The following TMEM144 variants were observed in gnomAD, a reference collection of about 807,000 sequenced individuals.
TMEM144 encodes the protein transmembrane protein 144.
A neutral mutation model predicts 43.6 loss-of-function variants in TMEM144; 39 were observed. The observed-to-expected ratio is 0.90, with a 90% CI of 0.69 to 1.17. The LOEUF is 1.17. TMEM144 is among the 50% of genes most tolerant of loss of function. TMEM144 has a pLI of 0.00. For missense variants in TMEM144, 417 were observed against 411.9 expected (o/e 1.01, Z -0.11); for synonymous variants, 154 against 133.6 (o/e 1.15, Z -1.06).
At chr4:158,228,695 A>G (rs1204063541) in intron 6 of TMEM144, among the ~76,000 whole-genome samples, 1 of 152,178 alleles carries the variant, frequency 6.6e-6, no homozygotes, top group East Asian at 1.9e-4. Context: ...AAGCCGCCTA[A>G]GGAGCTGCAT....
chr4:158,230,105 G>A (rs557645319), intron 6 of TMEM144, among the ~76,000 whole-genome samples: 1 of 152,222 alleles, frequency 6.6e-6, no homozygotes, highest in Admixed American at 6.5e-5. Flanking sequence ...GGGACCCTAG[G>A]CCCCAGTGGC....
In TMEM144 at chr4:158,246,357, C is replaced by G. The variant is rs79670698; in HGVS notation, c.954+2008C>G. 5.6e-3 allele frequency among the ~76,000 whole-genome samples: 856 copies of G among 152,268 alleles called. 11 individuals are homozygous for G. The highest frequency in any genetic ancestry group is 0.02 in the African/African-American group (821 of 41,556). ...GGAGATTGATGTTGCTAATCTCTAACAACCATAAAGTGAATGTACTTCTAC... is the reference window on the plus strand; with the variant it reads ...GGAGATTGATGTTGCTAATCTCTAAGAACCATAAAGTGAATGTACTTCTAC... On this transcript the variant is annotated intron_variant, in intron 12 of 12. Transcript: ENST00000296529.
chr4:158,249,403 A>G (rs923083586), intron 12 of TMEM144, among the ~76,000 whole-genome samples: 2 of 152,226 alleles, frequency 1.3e-5, no homozygotes, highest in African/African-American at 2.4e-5. Context: ...GAGATGATCT[A>G]TTATCTTAGT....
chr4:158,226,105 G>C (rs1734752318), intron 6 of TMEM144, among the ~76,000 whole-genome samples: 1 of 152,178 alleles, frequency 6.6e-6, no homozygotes, highest in South Asian at 2.1e-4. Context: ...ATTTTAACCA[G>C]GCATTTGCAT....
chr4:158,247,147 C>T (rs1297697924), intron 12 of TMEM144, among the ~76,000 whole-genome samples: 1 of 151,814 alleles, frequency 6.6e-6, no homozygotes, highest in East Asian at 1.9e-4. Context: ...ATTTACTCTA[C>T]CATATCAAAT....
intron 3 of TMEM144, 53 bp from the exon 4 acceptor site, chr4:158,215,138 C>A: frequency 6.2e-7 from 1 of 1,610,012 alleles, no homozygotes; most frequent in Non-Finnish European, 8.5e-7. Context: ...TTCCTGAGCA[C>A]AAATTTACTC....
intron 6 of TMEM144, among the ~76,000 whole-genome samples, chr4:158,230,282 T>A (rs1474190395): frequency 6.6e-6 from 1 of 152,206 alleles, no homozygotes; most frequent in Non-Finnish European, 1.5e-5. Flanking sequence ...ACACTGCTTT[T>A]CCTTCCTGAC....
chr4:158,234,775 A>G (rs1328633843), intron 7 of TMEM144: 1 of 152,296 alleles, frequency 6.6e-6, no homozygotes, highest in Non-Finnish European at 1.5e-5. Flanking sequence ...TCCAGGTGAG[A>G]TGGAGAAGGA....
intron 5 of TMEM144, among the ~76,000 whole-genome samples, chr4:158,218,027 G>A (rs900681606): frequency 2.0e-5 from 3 of 152,122 alleles, no homozygotes; most frequent in Non-Finnish European, 2.9e-5. Context: ...GGGAATAACT[G>A]ACCCACAAAG....
intron 4 of TMEM144, 73 bp downstream of exon 4, chr4:158,215,386 G>A: frequency 2.0e-6 from 3 of 1,537,666 alleles, no homozygotes; most frequent in Non-Finnish European, 2.6e-6. Context: ...ACAATAGGAG[G>A]AAATAGCGCA....
At chr4:158,231,127 C>A (rs1735058745) in intron 6 of TMEM144, among the ~76,000 whole-genome samples, 4 of 152,146 alleles carry the variant, frequency 2.6e-5, no homozygotes. Flanking sequence ...GTCTTATGAT[C>A]TAGACAAGGT....
rs1219603075 is a variant in TMEM144, at chr4:158,254,341, A to G, written c.*814A>G. Reference sequence around the variant, plus strand: ...TGTACAACTTTTTTTTCTGAAATACACTTTTCTAAAACCCTCTTAACTGGA... The same window carrying G: ...TGTACAACTTTTTTTTCTGAAATACGCTTTTCTAAAACCCTCTTAACTGGA... On this transcript the variant is annotated 3_prime_UTR_variant, in exon 13 of 13. Coordinates refer to ENST00000296529, the MANE Select transcript of TMEM144 (RefSeq NM_018342.5). The G allele has an allele frequency of 6.6e-6, 1 of 151,966 alleles. No individual in the cohort carries two copies. The highest frequency in any genetic ancestry group is 1.5e-5 in the Non-Finnish European group (1 of 67,998). 9.4% of individuals were successfully genotyped at this position (151,966 alleles called of 1,614,324 possible).
At chr4:158,213,009 T>G in intron 3 of TMEM144, 1 of 565,210 alleles carries the variant, frequency 1.8e-6, no homozygotes. Flanking sequence ...TCAGGAAATC[T>G]CTTGGGCCAT....
chr4:158,227,813 C>G (rs906941109), intron 6 of TMEM144, among the ~76,000 whole-genome samples: 3 of 152,040 alleles, frequency 2.0e-5, no homozygotes, highest in African/African-American at 7.3e-5. Flanking sequence ...GGCCAACTTA[C>G]CTTCAATGCT....
chr4:158,240,226 T>A, intron 9 of TMEM144, 73 bp from the exon 10 acceptor site: 1 of 1,525,650 alleles, frequency 6.6e-7, no homozygotes, highest in South Asian at 1.3e-5. Context: ...TTCTGGTGAG[T>A]TTATTTTCAG....
At chr4:158,220,583 G>T (rs1482064889) in intron 6 of TMEM144, among the ~76,000 whole-genome samples, 1 of 152,146 alleles carries the variant, frequency 6.6e-6, no homozygotes, top group African/African-American at 2.4e-5. Context: ...CCAAGCTTTG[G>T]TTTCTTCATT....
At chr4:158,238,561 A>T (rs1230271493) in intron 9 of TMEM144, among the ~76,000 whole-genome samples, 1 of 152,222 alleles carries the variant, frequency 6.6e-6, no homozygotes, top group Non-Finnish European at 1.5e-5. Context: ...ATAAAAATAG[A>T]ATAACATAGA....
rs1736329133 is a variant in TMEM144, at chr4:158,253,620, A to G, written c.*93A>G. On this transcript the variant is annotated 3_prime_UTR_variant, in exon 13 of 13. Coordinates refer to ENST00000296529, the MANE Select transcript of TMEM144 (RefSeq NM_018342.5). ...TGCTGAGAAAAGAGTGCATTTTCAT[A>G]TAGCAAATGGATCTCAGCCACTGTT... The G allele has an allele frequency of 3.0e-6, 3 of 1,008,476 alleles. No homozygotes were observed. 62.5% of individuals were successfully genotyped at this position (1,008,476 alleles called of 1,614,324 possible).
chr4:158,230,349 GC>G (rs1232805420), intron 6 of TMEM144, among the ~76,000 whole-genome samples: 1 of 152,180 alleles, frequency 6.6e-6, no homozygotes, highest in African/African-American at 2.4e-5. Context: ...TACCTTGGTT[GC>G]CAGTGAAGGA....
Sources: gnomAD v4.1 joint callset for allele counts (sites outside exome capture counted in the v4.1 genomes callset) on GRCh38, gnomAD v4.1.1 for gene constraint, MANE v1.5 for transcripts, NCBI Gene and HGNC (gene_info 2026-07-23, HGNC 2026-07-21) for gene names.